RAD51B: variants seen among roughly 807,000 people sequenced by gnomAD.
The protein encoded by RAD51B is RAD51 paralog B.
Under a neutral mutation model 42.2 loss-of-function variants are expected in RAD51B, and 38 were observed. That is an observed-to-expected ratio of 0.90 (90% CI 0.70 to 1.18). The LOEUF (loss-of-function observed/expected upper bound fraction) is 1.18. Ranked by LOEUF, RAD51B falls within the 50% of genes most tolerant of loss-of-function variation. The probability of loss-of-function intolerance (pLI) is 0.00; values close to 1 mark genes in which losing one functional copy is unlikely to be tolerated. For synonymous variants in RAD51B, 154 were observed against 145.2 expected, an observed-to-expected ratio of 1.06 and a Z score of -0.43; for missense variants, 373 against 400.7, an observed-to-expected ratio of 0.93 and a Z score of 0.59.
intron 8 of RAD51B, among the ~76,000 whole-genome samples, chr14:68,337,945 A>G (rs766068764): frequency 2.0e-5 from 3 of 151,530 alleles, no homozygotes; most frequent in Non-Finnish European, 2.9e-5. Context: ...CAAATTTTTT[A>G]GTTTTTGTGT....
chr14:68,327,217 A>G (rs2082266507), intron 8 of RAD51B, among the ~76,000 whole-genome samples: 1 of 152,158 alleles, frequency 6.6e-6, no homozygotes, highest in African/African-American at 2.4e-5. Context: ...TTTCTGCCAT[A>G]GTTCTTAAAC....
At chr14:68,495,714 C>G (rs1884462310) in intron 10 of RAD51B, among the ~76,000 whole-genome samples, 1 of 152,174 alleles carries the variant, frequency 6.6e-6, no homozygotes, top group Non-Finnish European at 1.5e-5. Flanking sequence ...AGAATCAAAC[C>G]TGTCTGTCCT....
intron 7 of RAD51B, among the ~76,000 whole-genome samples, chr14:68,068,538 T>C (rs2076690861): frequency 6.6e-6 from 1 of 152,206 alleles, no homozygotes; most frequent in South Asian, 2.1e-4. Flanking sequence ...ATTTGGGGTG[T>C]TTCAACTTTT....
chr14:67,840,294 T>C (rs2041383499), intron 4 of RAD51B, among the ~76,000 whole-genome samples: 1 of 152,184 alleles, frequency 6.6e-6, no homozygotes, highest in East Asian at 1.9e-4. Flanking sequence ...TTCTTCCTCC[T>C]TCTAATAATC....
chr14:68,546,486 A>T (rs183392668), intron 10 of RAD51B, among the ~76,000 whole-genome samples: 381 of 152,330 alleles, frequency 2.5e-3, no homozygotes, highest in Middle Eastern at 3.4e-3. Flanking sequence ...TTGGACATGT[A>T]TGATTTGAGA....
chr14:67,939,015 A>G (rs1016205851), intron 7 of RAD51B, among the ~76,000 whole-genome samples: 2 of 152,188 alleles, frequency 1.3e-5, no homozygotes, highest in Admixed American at 6.5e-5. Flanking sequence ...GAAACATTTA[A>G]AGTGTCTGGG....
At chr14:67,931,500 C>CTTTTT (rs539507230) in intron 7 of RAD51B, among the ~76,000 whole-genome samples, 1 of 117,570 alleles carries the variant, frequency 8.5e-6, no homozygotes, top group Admixed American at 8.9e-5. Context: ...TCTGGGATTT[C>CTTTTT]TTTTTTTTTT....
intron 7 of RAD51B, among the ~76,000 whole-genome samples, chr14:67,901,332 C>T (rs112734709): frequency 3.3e-5 from 5 of 152,164 alleles, no homozygotes; most frequent in South Asian, 2.1e-4. Flanking sequence ...TGACTTATTG[C>T]GCCTGTGCCT....
At chr14:68,118,362 T>A (rs2077585426) in intron 7 of RAD51B, among the ~76,000 whole-genome samples, 1 of 152,210 alleles carries the variant, frequency 6.6e-6, no homozygotes, top group Admixed American at 6.5e-5. Flanking sequence ...CATCCCACAT[T>A]GCATTTAGTT....
chr14:68,286,999 T>G (rs2081426032), intron 7 of RAD51B, among the ~76,000 whole-genome samples: 1 of 152,078 alleles, frequency 6.6e-6, no homozygotes, highest in Non-Finnish European at 1.5e-5. Context: ...AGTGTGTGTG[T>G]TGTGTGTGTG....
At chr14:68,131,622 G>A (rs1378343141) in intron 7 of RAD51B, among the ~76,000 whole-genome samples, 1 of 152,190 alleles carries the variant, frequency 6.6e-6, no homozygotes, top group Non-Finnish European at 1.5e-5. Context: ...CTTGAACCCA[G>A]TGGGCGGAGG....
chr14:67,968,511 A>G (rs2074832373), intron 7 of RAD51B, among the ~76,000 whole-genome samples: 1 of 152,208 alleles, frequency 6.6e-6, no homozygotes, highest in Non-Finnish European at 1.5e-5. Flanking sequence ...TTCTTCTACC[A>G]GATACCCTCA....
rs554745605 is a variant in RAD51B, at chr14:68,185,281, A to G, written c.757-106603A>G. On this transcript the variant is annotated intron_variant, in intron 7 of 10. Transcript: ENST00000471583. ...AACTACATAATAAAGTATTGCCAACATGTTAGATTTAGCCTTAAAGAAATT... is the reference window on the plus strand; with the variant it reads ...AACTACATAATAAAGTATTGCCAACGTGTTAGATTTAGCCTTAAAGAAATT... Among the ~76,000 whole-genome samples the G allele has an allele frequency of 2.0e-5, 3 of 152,328 alleles. No individual in the cohort carries two copies. In the South Asian group the frequency reaches 6.2e-4, roughly 32 times the overall value.
intron 7 of RAD51B, among the ~76,000 whole-genome samples, chr14:68,287,045 C>G (rs1216889602): frequency 3.3e-5 from 3 of 90,650 alleles, no homozygotes; most frequent in African/African-American, 1.4e-4. Context: ...CCTCTGCCTT[C>G]TGACCAAAAT....
At chr14:68,279,844 T>G (rs954538128) in intron 7 of RAD51B, among the ~76,000 whole-genome samples, 2 of 152,204 alleles carry the variant, frequency 1.3e-5, no homozygotes, top group East Asian at 1.9e-4. Flanking sequence ...TATTTAAGAC[T>G]GGTTCCAGAC....
intron 7 of RAD51B, among the ~76,000 whole-genome samples, chr14:68,188,668 T>A (rs2079204738): frequency 6.6e-6 from 1 of 152,202 alleles, no homozygotes. Flanking sequence ...AATTTAGAGG[T>A]GATGCTCCTC....
chr14:68,206,263 A>G (rs2079582839), intron 7 of RAD51B, among the ~76,000 whole-genome samples: 2 of 152,128 alleles, frequency 1.3e-5, no homozygotes, highest in Admixed American at 6.5e-5. Flanking sequence ...ACTCATGGTG[A>G]TGTAAATTTT....
chr14:68,573,952 G>C (rs148284639), intron 10 of RAD51B, among the ~76,000 whole-genome samples: 2,725 of 142,832 alleles, frequency 0.019, 43 homozygotes, highest in Middle Eastern at 0.037. Flanking sequence ...GTGTGTGTGG[G>C]GGTGTGGGTG....
chr14:68,366,630 G>GAA (rs2083148121), intron 8 of RAD51B, among the ~76,000 whole-genome samples: 1 of 152,218 alleles, frequency 6.6e-6, no homozygotes. Flanking sequence ...ATGCACAGAA[G>GAA]AAAGTTCCGT....
Sources: allele counts gnomAD v4.1 joint callset (sites outside exome capture counted in the v4.1 genomes callset), GRCh38; gene constraint gnomAD v4.1.1; transcripts MANE v1.5; gene names NCBI Gene and HGNC (gene_info 2026-07-23, HGNC 2026-07-21).